Variants in ITGA6 observed in about 807,000 individuals in gnomAD.
The protein encoded by ITGA6 is integrin alpha-6.
Under a neutral mutation model 133.6 loss-of-function variants are expected in ITGA6, and 63 were observed. The observed-to-expected ratio is 0.47, with a 90% confidence interval of 0.38 to 0.58. The LOEUF (loss-of-function observed/expected upper bound fraction) is 0.58, where lower values mean the gene tolerates loss of function less well. Among genes scored for constraint, ITGA6 ranks in the 20% least tolerant of loss-of-function variants. The pLI is 0.00. For synonymous variants in ITGA6, 434 were observed against 482.0 expected (o/e 0.90, Z 1.30); for missense variants, 1,068 against 1,309.4 (o/e 0.82, Z 2.85).
intron 19 of ITGA6, 147 bp from the exon 20 acceptor site, chr2:172,489,338 C>A: frequency 1.5e-6 from 1 of 662,606 alleles, no homozygotes; most frequent in South Asian, 1.9e-5. Flanking sequence ...ATTTTGAATG[C>A]CCTATCTATA....
chr2:172,429,731 CTCT>C (rs1684031688), intron 1 of ITGA6, among the ~76,000 whole-genome samples: 1 of 152,184 alleles, frequency 6.6e-6, no homozygotes, highest in South Asian at 2.1e-4. Flanking sequence ...TCTAGGAAAG[CTCT>C]TCTTAGCAGC....
chr2:172,452,383 A>G (rs1362315158), intron 1 of ITGA6, among the ~76,000 whole-genome samples: 1 of 152,208 alleles, frequency 6.6e-6, no homozygotes, highest in African/African-American at 2.4e-5. Context: ...AGCAGCAACA[A>G]AGCAACACAC....
intron 25 of ITGA6, among the ~76,000 whole-genome samples, chr2:172,503,226 G>A (rs1687420258): frequency 6.6e-6 from 1 of 151,816 alleles, no homozygotes; most frequent in African/African-American, 2.4e-5. Flanking sequence ...TTTAAAAAAA[G>A]TAAATATATT....
rs771247506 is a variant in ITGA6 at position 172,485,121 on chromosome 2, G to A, written c.1711G>A (p.Asp571Asn). ...CTCTGACTGCATGCTTTTCATGCAGGATAATATCAGAGATAAACTGCGTCC... is the reference window on the plus strand; with the variant it reads ...CTCTGACTGCATGCTTTTCATGCAGAATAATATCAGAGATAAACTGCGTCC... ...VCMEETLWLQ[D>N]NIRDKLRPIP... Residue 571 changes from aspartate to asparagine, a missense_variant and splice_region_variant, in exon 13 of 26, where the codon GAT becomes AAT. Coordinates refer to ENST00000684293, the MANE Select transcript of ITGA6 (RefSeq NM_000210.4). The A allele has an allele frequency of 6.2e-7, 1 of 1,613,714 alleles. No homozygotes were observed. The highest frequency in any genetic ancestry group is 1.1e-5 in the South Asian group (1 of 91,080).
At chr2:172,488,328 C>T (rs1686779443) in intron 19 of ITGA6, 100 bp downstream of exon 19, 3 of 834,590 alleles carry the variant, frequency 3.6e-6, no homozygotes, top group Non-Finnish European at 4.1e-6. Flanking sequence ...TATTAATAAG[C>T]ATTGTAAGTA....
chr2:172,485,004 T>C (rs1391958200), intron 12 of ITGA6, 62 bp downstream of exon 12: 5 of 1,594,858 alleles, frequency 3.1e-6, no homozygotes, highest in Non-Finnish European at 3.4e-6. Context: ...TATATGGTGA[T>C]ATACAGATTT....
intron 1 of ITGA6, among the ~76,000 whole-genome samples, chr2:172,454,210 A>G (rs1685124680): frequency 6.6e-6 from 1 of 151,676 alleles, no homozygotes; most frequent in African/African-American, 2.4e-5. Flanking sequence ...CAGCCTCCCG[A>G]GTAGCTAGGA....
At chr2:172,451,867 A>C (rs1039157427) in intron 1 of ITGA6, among the ~76,000 whole-genome samples, 6 of 152,178 alleles carry the variant, frequency 3.9e-5, no homozygotes, top group African/African-American at 1.4e-4. Flanking sequence ...CAAACTCCTA[A>C]TAATCCGAGG....
intron 3 of ITGA6, among the ~76,000 whole-genome samples, 153 bp downstream of exon 3, chr2:172,467,713 G>A (rs766614319): frequency 6.6e-5 from 10 of 152,204 alleles, no homozygotes; most frequent in Non-Finnish European, 8.8e-5. Flanking sequence ...CAGACTGGGC[G>A]TGGTGGCTCA....
chr2:172,497,948 A>G, intron 23 of ITGA6, 27 bp from the exon 24 acceptor site: 1 of 1,613,288 alleles, frequency 6.2e-7, no homozygotes, highest in Non-Finnish European at 8.5e-7. Flanking sequence ...TGTATGTAGT[A>G]ATGCTGCTTT....
intron 5 of ITGA6, chr2:172,472,855 A>G (rs1192996596): frequency 1.2e-6 from 2 of 1,611,506 alleles, no homozygotes; most frequent in Non-Finnish European, 1.7e-6. Context: ...GAGCAGCCTG[A>G]CACATTCCCT....
rs1254715123 is a variant in ITGA6 at position 172,465,306 on chromosome 2, T to C, written c.183-233T>C. The C allele has an allele frequency of 6.7e-6, 4 of 595,812 alleles. No homozygotes were observed. The African/African-American group carries it at 7.4e-5, about 11-fold the overall frequency. 36.9% of individuals were successfully genotyped at this position (595,812 alleles called of 1,614,324 possible). A position where few individuals can be genotyped will look rare whatever the true frequency, so the allele number is the denominator to read the frequency against. Reference sequence around the variant, plus strand: ...ATGCTGATACTATGAGAGACAGGCCTATTTTCCTCGTTTTGGTATCCCCTC... The same window carrying C: ...ATGCTGATACTATGAGAGACAGGCCCATTTTCCTCGTTTTGGTATCCCCTC... On this transcript the variant is annotated intron_variant, in intron 1 of 25. Coordinates refer to ENST00000684293, the MANE Select transcript of ITGA6 (RefSeq NM_000210.4).
At position 172,427,768 on chromosome 2, in the gene ITGA6, C is replaced by T. The variant is rs866614203; in HGVS notation, c.-21C>T. On this transcript the variant is annotated 5_prime_UTR_variant, in exon 1 of 26. Coordinates refer to ENST00000684293, the MANE Select transcript of ITGA6 (RefSeq NM_000210.4). ...AGGGCGGCCGCTGCAGGTCCCCGCT[C>T]CCCTCCCCGTGCGTCCGCCCATGGC... 7.6e-6 allele frequency: 12 copies of T among 1,570,002 alleles called. 1 individual carries two copies. The South Asian group carries it at 1.4e-4, about 18-fold the overall frequency.
At chr2:172,476,258 C>G in intron 8 of ITGA6, 137 bp from the exon 9 acceptor site, 1 of 697,398 alleles carries the variant, frequency 1.4e-6, no homozygotes, top group Non-Finnish European at 2.6e-6. Flanking sequence ...AAATTTATGA[C>G]TTGTATATAA....
chr2:172,465,592 G>C lies in ITGA6; in HGVS notation c.236G>C (p.Arg79Thr). ...AEALPLQRANRTGGLYSCDIT... is the reference protein window; with the variant it reads ...AEALPLQRANTTGGLYSCDIT... ...GCGCTTCCACTGCAGAGAGCCAACA[G>C]AACGGGAGGGCTGTACAGCTGCGAC... The change falls in exon 2 of 26, where the codon AGA becomes ACA. Residue 79 changes from arginine (R) to threonine (T), a missense_variant. Physicochemically the swap from Arg to Thr is moderately conservative, Grantham distance 71. Transcript: ENST00000684293. 1 of 1,614,264 alleles carries C rather than the reference G, an allele frequency of 6.2e-7. No individual in the cohort carries two copies. Among genetic ancestry groups the C allele is most frequent in the Non-Finnish European group, 8.5e-7 (1 of 1,180,048 alleles).
At chr2:172,500,711 A>G (rs1472763781) in intron 24 of ITGA6, among the ~76,000 whole-genome samples, 1 of 152,158 alleles carries the variant, frequency 6.6e-6, no homozygotes, top group African/African-American at 2.4e-5. Flanking sequence ...CACCCTATTT[A>G]CTAGCACATA....
intron 1 of ITGA6, among the ~76,000 whole-genome samples, chr2:172,443,880 T>G (rs1279119342): frequency 6.6e-6 from 1 of 152,196 alleles, no homozygotes; most frequent in Non-Finnish European, 1.5e-5. Flanking sequence ...GCTCAGGTGA[T>G]CCTCCCGCCT....
intron 8 of ITGA6, 119 bp downstream of exon 8, chr2:172,475,804 A>G (rs1206148016): frequency 2.2e-5 from 15 of 684,420 alleles, no homozygotes; most frequent in Admixed American, 1.8e-4. Context: ...CCACAATAGT[A>G]TAAATTTTTT....
chr2:172,443,466 G>T (rs16860397), intron 1 of ITGA6, among the ~76,000 whole-genome samples: 7,459 of 152,204 alleles, frequency 0.049, 312 homozygotes, highest in East Asian at 0.23. Context: ...CCTGGCCGGC[G>T]TTGTTGTTTT....
Sources: gnomAD v4.1 joint callset for allele counts (sites outside exome capture counted in the v4.1 genomes callset) on GRCh38, gnomAD v4.1.1 for gene constraint, MANE v1.5 for transcripts, NCBI Gene and HGNC (gene_info 2026-07-23, HGNC 2026-07-21) for gene names.